Variants in PPA1 observed in about 807,000 individuals in gnomAD.
PPA1 encodes the protein inorganic pyrophosphatase 1, also known as inorganic pyrophosphatase.
Under a neutral mutation model 41.8 loss-of-function variants are expected in PPA1, and 23 were observed. The ratio of observed to expected loss-of-function variants is 0.55; its 90% confidence interval spans 0.40 to 0.78. The LOEUF (loss-of-function observed/expected upper bound fraction) is 0.78, where lower values mean the gene tolerates loss of function less well. Among genes scored for constraint, PPA1 ranks in the 30% least tolerant of loss-of-function variants. The probability of loss-of-function intolerance (pLI) is 0.00; values close to 1 mark genes in which losing one functional copy is unlikely to be tolerated. For missense variants in PPA1, 320 were observed against 361.6 expected (o/e 0.89, Z 0.93); for synonymous variants, 101 against 116.8 (o/e 0.86, Z 0.87).
At chr10:70,205,241 G>A (rs1363062351) in intron 9 of PPA1, 1 of 161,684 alleles carries the variant, frequency 6.2e-6, no homozygotes, top group Non-Finnish European at 1.3e-5. Context: ...GCTGGGCATG[G>A]TGGCGGGCAC....
chr10:70,208,251 C>A (rs1397915650), intron 8 of PPA1, among the ~76,000 whole-genome samples: 1 of 152,116 alleles, frequency 6.6e-6, no homozygotes, highest in Non-Finnish European at 1.5e-5. Context: ...TCTTTGCTGA[C>A]CTGTTATTTA....
chr10:70,230,465 A>AT (rs111837506), intron 1 of PPA1, 66 bp from the exon 2 acceptor site: 13,572 of 1,222,150 alleles, frequency 0.011, 9 homozygotes, highest in East Asian at 0.032. Flanking sequence ...CACAGTACAC[A>AT]TTTTTTTTTT....
intron 6 of PPA1, 57 bp from the exon 7 acceptor site, chr10:70,209,742 A>G (rs772751763): frequency 8.4e-5 from 127 of 1,508,056 alleles, no homozygotes; most frequent in Non-Finnish European, 1.1e-4. Flanking sequence ...AAAAGAAAGA[A>G]GAGAATAAGC....
At chr10:70,204,707 C>T (rs1001312665) in intron 10 of PPA1, 166 bp downstream of exon 10, 7 of 546,276 alleles carry the variant, frequency 1.3e-5, no homozygotes, top group Admixed American at 7.2e-5. Context: ...GTAATGATTT[C>T]GTAATTAGCC....
chr10:70,219,666 T>C (rs60470686), intron 2 of PPA1, among the ~76,000 whole-genome samples: 3,294 of 152,316 alleles, frequency 0.022, 110 homozygotes, highest in African/African-American at 0.074. Context: ...TTTTAATCAA[T>C]GATAGTTCTA....
chr10:70,217,936 A>T lies in PPA1; in HGVS notation c.178-5T>A. The T allele has an allele frequency of 6.5e-7, 1 of 1,539,264 alleles. No individual in the cohort carries two copies. Among genetic ancestry groups the T allele is most frequent in the Non-Finnish European group, 8.8e-7 (1 of 1,136,558 alleles). ...TAAAGGGTCCTTTGTAGCAATCTGAAATAAGAAAATTTCAAATCTTTGCAT... is the reference window on the plus strand; with the variant it reads ...TAAAGGGTCCTTTGTAGCAATCTGATATAAGAAAATTTCAAATCTTTGCAT... On this transcript the variant is annotated splice_region_variant and splice_polypyrimidine_tract_variant and intron_variant, in intron 3 of 10. Coordinates refer to ENST00000373232, the MANE Select transcript of PPA1 (RefSeq NM_021129.4).
At chr10:70,229,075 A>G (rs1426918510) in intron 2 of PPA1, among the ~76,000 whole-genome samples, 3 of 152,248 alleles carry the variant, frequency 2.0e-5, no homozygotes, top group African/African-American at 7.2e-5. Context: ...TAGAAAAAGA[A>G]TAAGATATTT....
intron 4 of PPA1, 145 bp from the exon 5 acceptor site, chr10:70,214,731 C>T (rs1482072737): frequency 1.5e-5 from 9 of 604,158 alleles, no homozygotes; most frequent in African/African-American, 1.9e-5. Context: ...ATCTTAACTA[C>T]ACACAAGAGT....
chr10:70,221,068 ATATATATATT>A (rs1840158843), intron 2 of PPA1, among the ~76,000 whole-genome samples: 1 of 16,078 alleles, frequency 6.2e-5, no homozygotes, highest in Non-Finnish European at 9.0e-5. Flanking sequence ...TTATATATAT[ATATATATATT>A]TTTTTTTTTT....
At chr10:70,221,023 AT>A (rs1448944235) in intron 2 of PPA1, among the ~76,000 whole-genome samples, 804 of 72,060 alleles carry the variant, frequency 0.011, 39 homozygotes, top group Non-Finnish European at 0.015. Flanking sequence ...TAATTTATAT[AT>A]ATAATATATA....
chr10:70,215,646 A>G (rs1422683752), intron 4 of PPA1, among the ~76,000 whole-genome samples: 1 of 150,860 alleles, frequency 6.6e-6, no homozygotes, highest in African/African-American at 2.4e-5. Flanking sequence ...ATGCCTAGCT[A>G]ATTTTTGTAT....
rs59025870 is a variant in PPA1 at position 70,216,486 on chromosome 10, CAA to C, written c.297+1324_297+1325del. 3.7e-3 allele frequency among the ~76,000 whole-genome samples: 517 copies of C among 141,090 alleles called. 1 individual carries two copies. Among genetic ancestry groups the C allele is most frequent in the Non-Finnish European group, 4.6e-3 (300 of 64,666 alleles). 92.6% of individuals were successfully genotyped at this position (141,090 alleles called of 152,430 possible). A position where few individuals can be genotyped will look rare whatever the true frequency, so the allele number is the denominator to read the frequency against. ...CGGGCGACAGTGCAAGACTCCGTCT[CAA>C]AAAAAAAAAAAAAATTTCAATTAAA... On this transcript the variant is annotated intron_variant, in intron 4 of 10. Transcript: ENST00000373232.
intron 1 of PPA1, among the ~76,000 whole-genome samples, chr10:70,230,880 T>C (rs1053358117): frequency 3.9e-5 from 6 of 152,248 alleles, no homozygotes; most frequent in Admixed American, 1.3e-4. Context: ...TTACATCCTA[T>C]GCACTCTGTA....
intron 10 of PPA1, 27 bp from the exon 11 acceptor site, chr10:70,203,213 TTA>T: frequency 6.3e-7 from 1 of 1,587,098 alleles, no homozygotes; most frequent in Non-Finnish European, 8.6e-7. Context: ...GAAAAACAAA[TTA>T]GAATTCCTGT....
intron 1 of PPA1, among the ~76,000 whole-genome samples, chr10:70,231,845 C>T (rs1439869974): frequency 2.0e-5 from 3 of 152,174 alleles, no homozygotes; most frequent in Non-Finnish European, 4.4e-5. Context: ...CCCATAACGG[C>T]CACCAAATAT....
intron 6 of PPA1, among the ~76,000 whole-genome samples, chr10:70,213,023 G>T (rs1234965715): frequency 6.6e-6 from 1 of 152,138 alleles, no homozygotes; most frequent in Non-Finnish European, 1.5e-5. Context: ...GGGGGACAGG[G>T]AGTGATTGCC....
intron 9 of PPA1, chr10:70,205,436 T>G (rs889253520): frequency 2.0e-5 from 3 of 152,082 alleles, no homozygotes; most frequent in African/African-American, 7.2e-5. Context: ...AATAAGAATG[T>G]TTTTTGAAAT....
At chr10:70,215,264 CTTTTTT>C (rs1840066661) in intron 4 of PPA1, among the ~76,000 whole-genome samples, 1 of 151,430 alleles carries the variant, frequency 6.6e-6, no homozygotes, top group Admixed American at 6.6e-5. Context: ...TTTTCTTTTT[CTTTTTT>C]GTAGAGACAG....
intron 6 of PPA1, chr10:70,210,476 T>C (rs1258000335): frequency 2.2e-6 from 3 of 1,345,188 alleles, no homozygotes; most frequent in Non-Finnish European, 3.0e-6. Context: ...ACGTATTAAA[T>C]GTGACTAGAC....
Sources: allele counts gnomAD v4.1 joint callset (sites outside exome capture counted in the v4.1 genomes callset), GRCh38; gene constraint gnomAD v4.1.1; transcripts MANE v1.5; gene names NCBI Gene and HGNC (gene_info 2026-07-23, HGNC 2026-07-21).